NPAS2: variants seen among roughly 807,000 people sequenced by gnomAD.
NPAS2 encodes the protein neuronal PAS domain-containing protein 2.
A neutral mutation model predicts 107.5 loss-of-function variants in NPAS2; 23 were observed. The observed-to-expected ratio is 0.21, with a 90% CI of 0.15 to 0.30. NPAS2 has a LOEUF of 0.30. Ranked by LOEUF, NPAS2 falls within the 10% of genes least tolerant of loss-of-function variation. The pLI is 1.00. For synonymous variants in NPAS2, 403 were observed against 417.5 expected (o/e 0.97, Z 0.42); for missense variants, 756 against 1,043.3 (o/e 0.72, Z 3.79).
At chr2:100,966,522 A>T (rs1039051996) in intron 10 of NPAS2, among the ~76,000 whole-genome samples, 2 of 152,018 alleles carry the variant, frequency 1.3e-5, no homozygotes, top group Non-Finnish European at 1.5e-5. Context: ...ATTGATCCTA[A>T]TGCATGAATC....
intron 1 of NPAS2, among the ~76,000 whole-genome samples, chr2:100,893,420 A>G (rs986658472): frequency 3.1e-4 from 47 of 152,188 alleles, no homozygotes; most frequent in Non-Finnish European, 6.3e-4. Flanking sequence ...AAATTCTACC[A>G]GGCTTGGTTG....
chr2:100,876,503 C>G (rs1679978582), intron 1 of NPAS2, among the ~76,000 whole-genome samples: 1 of 152,180 alleles, frequency 6.6e-6, no homozygotes, highest in South Asian at 2.1e-4. Context: ...TCCAGCTGCC[C>G]TAGGGGCCCA....
At chr2:100,956,677 G>T (rs1347359870) in intron 7 of NPAS2, among the ~76,000 whole-genome samples, 1 of 152,194 alleles carries the variant, frequency 6.6e-6, no homozygotes, top group African/African-American at 2.4e-5. Flanking sequence ...GGAAGCCTCA[G>T]GCCCCAAACC....
chr2:100,925,944 C>A (rs1683533531), intron 3 of NPAS2, among the ~76,000 whole-genome samples: 1 of 152,170 alleles, frequency 6.6e-6, no homozygotes, highest in South Asian at 2.1e-4. Context: ...ATTTCCCATT[C>A]TTCCCCCTCC....
At chr2:100,849,980 T>C (rs1215093305) in intron 1 of NPAS2, among the ~76,000 whole-genome samples, 4 of 100,256 alleles carry the variant, frequency 4.0e-5, no homozygotes, top group African/African-American at 1.6e-4. Flanking sequence ...CAACTTAAAC[T>C]CCAAGATAGA....
intron 1 of NPAS2, among the ~76,000 whole-genome samples, chr2:100,887,565 C>T (rs1166413792): frequency 2.6e-5 from 4 of 152,238 alleles, no homozygotes; most frequent in Non-Finnish European, 5.9e-5. Flanking sequence ...CGTGCAGGCC[C>T]AGCAGCCTGT....
intron 1 of NPAS2, among the ~76,000 whole-genome samples, chr2:100,866,910 T>G (rs6759386): frequency 0.8 from 121,378 of 152,168 alleles, 48,587 homozygotes; most frequent in African/African-American, 0.84. Flanking sequence ...GTCCAGTGAG[T>G]TGTGTGAGCG....
At position 100,993,534 on chromosome 2, in the gene NPAS2, G is replaced by A. The variant is rs771197882; in HGVS notation, c.2292+7G>A. ...ACCGCAGCACTACCTGCAGGTGGGTGCCACGGCCCAGGGGGCCCCCGTGCA... is the reference window on the plus strand; with the variant it reads ...ACCGCAGCACTACCTGCAGGTGGGTACCACGGCCCAGGGGGCCCCCGTGCA... On this transcript the variant is annotated splice_region_variant and intron_variant, in intron 20 of 20. Transcript: ENST00000335681. 82 of 1,534,158 alleles carry A rather than the reference G, an allele frequency of 5.3e-5. No individual in the cohort carries two copies. The highest frequency in any genetic ancestry group is 2.1e-4 in the Admixed American group (10 of 48,652).
intron 1 of NPAS2, among the ~76,000 whole-genome samples, chr2:100,881,407 G>A (rs547115989): frequency 2.4e-4 from 37 of 152,334 alleles, no homozygotes; most frequent in South Asian, 4.1e-4. Context: ...CTGCTGGGCC[G>A]GGGCATGGGG....
intron 1 of NPAS2, among the ~76,000 whole-genome samples, chr2:100,903,745 A>G (rs1290462010): frequency 6.6e-6 from 1 of 151,372 alleles, no homozygotes; most frequent in African/African-American, 2.4e-5. Context: ...TCAGCCTCCC[A>G]CTCCCACAGC....
At chr2:100,838,440 A>G (rs6542995) in intron 1 of NPAS2, among the ~76,000 whole-genome samples, 105,705 of 151,868 alleles carry the variant, frequency 0.7, 37,122 homozygotes, top group East Asian at 0.83. Flanking sequence ...ACCACGCCTG[A>G]CTAATTTTTG....
At chr2:100,856,839 C>A (rs773524562) in intron 1 of NPAS2, among the ~76,000 whole-genome samples, 6 of 152,166 alleles carry the variant, frequency 3.9e-5, no homozygotes, top group Non-Finnish European at 5.9e-5. Flanking sequence ...TGCACCCTGA[C>A]CTTTTCAGAT....
At chr2:100,846,527 T>C (rs928586216) in intron 1 of NPAS2, among the ~76,000 whole-genome samples, 1 of 152,190 alleles carries the variant, frequency 6.6e-6, no homozygotes, top group Admixed American at 6.5e-5. Flanking sequence ...TCTTGTACCA[T>C]TGACTACCAA....
Position 100,904,735 on chromosome 2 carries a change from A to G in NPAS2, c.-20A>G. ...AATTTTTTTTTTTTTTTTTGCAGGAAAAACTGCATAGAAAATCTAATGGAT... is the reference window on the plus strand; with the variant it reads ...AATTTTTTTTTTTTTTTTTGCAGGAGAAACTGCATAGAAAATCTAATGGAT... On this transcript the variant is annotated splice_region_variant and 5_prime_UTR_variant, in exon 2 of 21. Coordinates refer to ENST00000335681, the MANE Select transcript of NPAS2 (RefSeq NM_002518.4). The G allele has an allele frequency of 6.3e-7, 1 of 1,582,346 alleles. No homozygotes were observed. The highest frequency in any genetic ancestry group is 8.6e-7 in the Non-Finnish European group (1 of 1,161,160).
chr2:100,946,668 C>T (rs2105033857), intron 5 of NPAS2, among the ~76,000 whole-genome samples: 1 of 152,278 alleles, frequency 6.6e-6, no homozygotes, highest in Middle Eastern at 3.4e-3. Flanking sequence ...TGTTATGAGG[C>T]TCCTCTGACT....
intron 7 of NPAS2, among the ~76,000 whole-genome samples, chr2:100,953,306 G>A (rs4851388): frequency 0.33 from 49,288 of 149,782 alleles, 8,344 homozygotes; most frequent in Middle Eastern, 0.5. Flanking sequence ...CCCGGGAGGC[G>A]GAGGTTACAG....
intron 2 of NPAS2, among the ~76,000 whole-genome samples, chr2:100,910,308 T>G (rs1682459561): frequency 1.3e-5 from 2 of 152,088 alleles, no homozygotes; most frequent in African/African-American, 4.8e-5. Context: ...TAGGCCAGCT[T>G]CCCATTTGGG....
chr2:100,848,548 G>A (rs567101938), intron 1 of NPAS2, among the ~76,000 whole-genome samples: 35 of 152,232 alleles, frequency 2.3e-4, no homozygotes, highest in Admixed American at 1.7e-3. Context: ...GGTCACTTCC[G>A]CATCTAGAGC....
At chr2:100,988,018 G>T in intron 16 of NPAS2, 61 bp from the exon 17 acceptor site, 4 of 1,554,362 alleles carry the variant, frequency 2.6e-6, no homozygotes, top group Non-Finnish European at 3.5e-6. Flanking sequence ...ATGCAAAGGA[G>T]GTGCACACTG....
Sources: allele counts gnomAD v4.1 joint callset (sites outside exome capture counted in the v4.1 genomes callset), GRCh38; gene constraint gnomAD v4.1.1; transcripts MANE v1.5; gene names NCBI Gene and HGNC (gene_info 2026-07-23, HGNC 2026-07-21).